The following MAST4 variants were observed in gnomAD, a reference collection of about 807,000 sequenced individuals.
MAST4 encodes microtubule associated serine/threonine kinase family member 4.
MAST4 carries 89 observed loss-of-function variants against 162.7 expected under a neutral mutation model. That is an observed-to-expected ratio of 0.55 (90% CI 0.46 to 0.65). MAST4 has a LOEUF of 0.65. Among genes scored for constraint, MAST4 ranks in the 30% least tolerant of loss-of-function variants. The pLI is 0.00. For missense variants in MAST4, 3,153 were observed against 3,374.0 expected (o/e 0.93, Z 1.62); for synonymous variants, 1,479 against 1,361.1 (o/e 1.09, Z -1.91).
chr5:67,147,474 C>A (rs1771239009), intron 23 of MAST4, among the ~76,000 whole-genome samples: 2 of 152,216 alleles, frequency 1.3e-5, no homozygotes, highest in African/African-American at 4.8e-5. Context: ...GTTGTATATC[C>A]ACACTCTGGC....
At position 67,131,861 on chromosome 5, in the gene MAST4, A is replaced by T. The variant is rs1769014799; in HGVS notation, c.2003A>T (p.Asp668Val). The T allele has an allele frequency of 6.2e-7, 1 of 1,613,316 alleles. No homozygotes were observed. The highest frequency in any genetic ancestry group is 8.5e-7 in the Non-Finnish European group (1 of 1,179,394). Residue 668 changes from aspartate to valine, a missense_variant, in exon 16 of 29, where the codon GAT becomes GTT. By Grantham distance (152) the Asp-to-Val change is radical. Transcript: ENST00000403625. ...LMKNMGPLPVDMARMYFAETV... is the reference protein window; with the variant it reads ...LMKNMGPLPVVMARMYFAETV... ...AAAAACATGGGTCCTCTCCCTGTTG[A>T]TATGGCCAGAATGTACTTTGCTGAG...
intron 4 of MAST4, among the ~76,000 whole-genome samples, chr5:67,009,193 G>T (rs909276920): frequency 2.7e-5 from 3 of 111,002 alleles, no homozygotes; most frequent in Non-Finnish European, 6.7e-5. Context: ...TAAGCCATAG[G>T]AGCTCACATA....
intron 4 of MAST4, among the ~76,000 whole-genome samples, chr5:66,958,025 TA>T (rs774499642): frequency 6.6e-6 from 1 of 151,992 alleles, no homozygotes; most frequent in Non-Finnish European, 1.5e-5. Flanking sequence ...TCTTCATCTG[TA>T]AAAAGACAGA....
intron 11 of MAST4, 134 bp downstream of exon 11, chr5:67,110,333 G>A (rs1217476471): frequency 1.9e-5 from 12 of 647,110 alleles, no homozygotes; most frequent in South Asian, 7.4e-5. Context: ...ACTTGTGAAC[G>A]TTTATGATGA....
chr5:66,617,959 T>A (rs1743810290), intron 1 of MAST4, among the ~76,000 whole-genome samples: 1 of 152,100 alleles, frequency 6.6e-6, no homozygotes, highest in Non-Finnish European at 1.5e-5. Context: ...TTTTGGTCCC[T>A]GCTTTGACTC....
At chr5:66,969,468 A>G (rs886788397) in intron 4 of MAST4, among the ~76,000 whole-genome samples, 1 of 152,196 alleles carries the variant, frequency 6.6e-6, no homozygotes, top group Non-Finnish European at 1.5e-5. Context: ...TTTTAGTGCA[A>G]TAACTTTTTG....
chr5:66,909,828 A>G (rs1202042975), intron 4 of MAST4, among the ~76,000 whole-genome samples: 4 of 152,204 alleles, frequency 2.6e-5, no homozygotes, highest in African/African-American at 7.2e-5. Context: ...CCCCCACACC[A>G]TTCTCATGGT....
chr5:66,694,165 A>G (rs922212206), intron 1 of MAST4, among the ~76,000 whole-genome samples: 1 of 152,204 alleles, frequency 6.6e-6, no homozygotes, highest in Non-Finnish European at 1.5e-5. Flanking sequence ...CACCCTGGAC[A>G]TCTTGAATTT....
At position 67,166,513 on chromosome 5, in the gene MAST4, G is replaced by A. The variant is rs759383047; in HGVS notation, c.7334G>A (p.Gly2445Glu). The A allele has an allele frequency of 6.2e-7, 1 of 1,607,124 alleles. No homozygotes were observed. The highest frequency in any genetic ancestry group is 8.5e-7 in the Non-Finnish European group (1 of 1,176,926). The part of the protein sequence containing the change: ...NGMKRSPSAT[G>E]QSSFRSTALP... ...ATGAAACGGTCCCCCTCAGCCACTGGGCAGAGTTCTTTCCGATCCACGGCC... is the reference window on the plus strand; with the variant it reads ...ATGAAACGGTCCCCCTCAGCCACTGAGCAGAGTTCTTTCCGATCCACGGCC... The change falls in exon 29 of 29, where the codon GGG becomes GAG. Residue 2445 changes from glycine to glutamate, a missense_variant. Gly to Glu is a moderately conservative substitution (Grantham distance 98). Transcript: ENST00000403625.
At chr5:67,116,395 A>G (rs1402958252) in intron 12 of MAST4, among the ~76,000 whole-genome samples, 4 of 150,436 alleles carry the variant, frequency 2.7e-5, no homozygotes, top group Admixed American at 2.7e-4. Flanking sequence ...TAGTAGAGAT[A>G]AGGTTTCACC....
At chr5:66,800,299 A>T (rs558429423) in intron 3 of MAST4, among the ~76,000 whole-genome samples, 119 of 152,306 alleles carry the variant, frequency 7.8e-4, no homozygotes, top group African/African-American at 2.8e-3. Flanking sequence ...TCTTTTAGTT[A>T]CATTTTGGTA....
In MAST4 at chr5:67,165,585, C is replaced by T; in HGVS notation, c.6406C>T (p.Pro2136Ser). The T allele has an allele frequency of 6.2e-7, 1 of 1,613,872 alleles. No individual in the cohort carries two copies. The change falls in exon 29 of 29, where the codon CCC becomes TCC. Residue 2136 changes from proline to serine, a missense_variant. This residue lies in a region of MAST4 where 1,644 missense variants were observed against 1,495.0 expected (regional missense o/e 1.10). Transcript: ENST00000403625. ...AAGGCATCCCAGCAGCATCCCTCCG[C>T]CCCCTCTGACGGCCAAAGACCTGTC... ...LQRHPSSIPP[P>S]PLTAKDLSSP...
Position 66,695,584 on chromosome 5 carries a change from T to C in MAST4, c.364-64125T>C, listed in dbSNP as rs112231393. Among the ~76,000 whole-genome samples the C allele has an allele frequency of 5.7e-4, 87 of 152,292 alleles. 1 individual carries two copies. The highest frequency in any genetic ancestry group is 1.9e-3 in the African/African-American group (78 of 41,578). On this transcript the variant is annotated intron_variant, in intron 1 of 28. Coordinates refer to ENST00000403625, the MANE Select transcript of MAST4 (RefSeq NM_001164664.2). ...CAATCGTAGTTTAATGTGAATAGCATTGAATCTGTAAATTACTTTGGGCAG... is the reference window on the plus strand; with the variant it reads ...CAATCGTAGTTTAATGTGAATAGCACTGAATCTGTAAATTACTTTGGGCAG...
chr5:66,925,203 T>C (rs1376062251), intron 4 of MAST4, among the ~76,000 whole-genome samples: 2 of 152,224 alleles, frequency 1.3e-5, no homozygotes, highest in Non-Finnish European at 2.9e-5. Flanking sequence ...AGTGCTCTGC[T>C]TGCCCACAAA....
intron 4 of MAST4, among the ~76,000 whole-genome samples, chr5:66,994,524 G>C (rs1297448902): frequency 1.3e-5 from 2 of 152,188 alleles, no homozygotes; most frequent in East Asian, 3.8e-4. Context: ...TTGACTGGCT[G>C]TTGTTCTCAT....
chr5:66,978,656 G>C (rs1048550367), intron 4 of MAST4, among the ~76,000 whole-genome samples: 1 of 152,172 alleles, frequency 6.6e-6, no homozygotes, highest in Non-Finnish European at 1.5e-5. Context: ...GATCACTGGG[G>C]ATGAGCAGAA....
At chr5:66,695,425 G>A (rs1231124720) in intron 1 of MAST4, among the ~76,000 whole-genome samples, 1 of 152,158 alleles carries the variant, frequency 6.6e-6, no homozygotes, top group African/African-American at 2.4e-5. Context: ...TTGCCTTGTA[G>A]TATAGTTTGA....
intron 3 of MAST4, among the ~76,000 whole-genome samples, chr5:66,798,310 T>TA (rs942089797): frequency 4.7e-4 from 71 of 152,228 alleles, no homozygotes; most frequent in African/African-American, 1.5e-3. Flanking sequence ...CAGCTTCCAT[T>TA]AAAAAAAGTC....
chr5:67,047,676 A>G (rs1312436897), intron 4 of MAST4, among the ~76,000 whole-genome samples: 1 of 152,202 alleles, frequency 6.6e-6, no homozygotes, highest in Non-Finnish European at 1.5e-5. Context: ...AATAGTGCCT[A>G]GCATATCTTA....
Sources: allele counts gnomAD v4.1 joint callset (sites outside exome capture counted in the v4.1 genomes callset), GRCh38; gene constraint gnomAD v4.1.1; regional missense constraint gnomAD v4.1.1; transcripts MANE v1.5; gene names NCBI Gene and HGNC (gene_info 2026-07-23, HGNC 2026-07-21).